The following MBD5 variants were observed in gnomAD, a reference collection of about 807,000 sequenced individuals.
MBD5 encodes the protein methyl-CpG binding domain protein 5, also known as methyl-CpG-binding domain protein 5.
Under a neutral mutation model 117.3 loss-of-function variants are expected in MBD5, and 13 were observed. The ratio of observed to expected loss-of-function variants is 0.11; its 90% confidence interval spans 0.07 to 0.18. The LOEUF (loss-of-function observed/expected upper bound fraction) is 0.18, where lower values mean the gene tolerates loss of function less well. Among genes scored for constraint, MBD5 ranks in the 10% least tolerant of loss-of-function variants. The pLI, the probability that MBD5 is intolerant of heterozygous loss-of-function variation, is 1.00. For missense variants in MBD5, 1,879 were observed against 2,093.8 expected (o/e 0.90, Z 2.00); for synonymous variants, 727 against 766.4 (o/e 0.95, Z 0.85).
At chr2:148,101,524 A>T (rs1184814481) in intron 1 of MBD5, among the ~76,000 whole-genome samples, 2 of 152,192 alleles carry the variant, frequency 1.3e-5, no homozygotes, top group East Asian at 3.9e-4. Flanking sequence ...TAAAATAGTG[A>T]TAAAACTACT....
intron 4 of MBD5, among the ~76,000 whole-genome samples, chr2:148,421,123 G>A (rs149259725): frequency 1.1e-4 from 16 of 152,132 alleles, no homozygotes; most frequent in African/African-American, 3.4e-4. Flanking sequence ...GCCTGTGAGA[G>A]GTCTAATCTC....
chr2:148,369,737 C>T lies in MBD5; in HGVS notation c.-557+27401C>T, dbSNP rs920531511. 3.3e-5 allele frequency among the ~76,000 whole-genome samples: 5 copies of T among 152,008 alleles called. No homozygotes were observed. The South Asian group carries it at 8.3e-4, about 25-fold the overall frequency. On this transcript the variant is annotated intron_variant, in intron 4 of 13. Transcript: ENST00000642680. ...TTTTGGTATACTCCTGTGTTCAAAT[C>T]AATAAAATTATGAAGCAAAATTACA... is the stretch of plus-strand genomic sequence containing the variant.
intron 11 of MBD5, among the ~76,000 whole-genome samples, chr2:148,500,466 T>C (rs2105212874): frequency 6.6e-6 from 1 of 152,254 alleles, no homozygotes; most frequent in Admixed American, 6.5e-5. Flanking sequence ...TAGTTTGCAG[T>C]AGTATCATAT....
chr2:148,346,102 G>A (rs1703117180), intron 4 of MBD5: 1 of 151,812 alleles, frequency 6.6e-6, no homozygotes, highest in African/African-American at 2.4e-5. Flanking sequence ...ACCATCACAG[G>A]AAGCAAGGGG....
rs1038846729 is a variant in MBD5, at chr2:148,321,899, A to T, written c.-679-20315A>T. ...TGCCACCCCCAGCCTTAATTTTTTT[A>T]AAATGCCATACTCTCTTTGAACCTT... On this transcript the variant is annotated intron_variant, in intron 3 of 13. Transcript: ENST00000642680. Among the ~76,000 whole-genome samples, 50 of 152,088 alleles carry T rather than the reference A, an allele frequency of 3.3e-4. 1 individual carries two copies. The highest frequency in any genetic ancestry group is 1.9e-4 in the East Asian group (1 of 5,190).
At chr2:148,397,352 C>T (rs1307937858) in intron 4 of MBD5, among the ~76,000 whole-genome samples, 9 of 119,938 alleles carry the variant, frequency 7.5e-5, no homozygotes, top group Admixed American at 2.0e-4. Flanking sequence ...TTTTTTGAGA[C>T]GGAGTCTCGC....
At chr2:148,097,519 T>C (rs1333698351) in intron 1 of MBD5, among the ~76,000 whole-genome samples, 1 of 152,192 alleles carries the variant, frequency 6.6e-6, no homozygotes, top group Non-Finnish European at 1.5e-5. Flanking sequence ...TAATATCCAA[T>C]TTGTATTAGG....
intron 4 of MBD5, 83 bp from the exon 5 acceptor site, chr2:148,458,120 G>A (rs113892972): frequency 7.3e-5 from 29 of 394,562 alleles, no homozygotes; most frequent in African/African-American, 1.2e-4. Context: ...GGTACACTTC[G>A]TAGTTTATTC....
At chr2:148,091,845 A>G (rs138831143) in intron 1 of MBD5, among the ~76,000 whole-genome samples, 521 of 152,342 alleles carry the variant, frequency 3.4e-3, no homozygotes, top group East Asian at 8.1e-3. Flanking sequence ...GTTTCTGCAC[A>G]GCAGAAGAAG....
chr2:148,307,402 A>AC (rs55815529), intron 3 of MBD5, among the ~76,000 whole-genome samples: 143,532 of 152,150 alleles, frequency 0.94, 68,222 homozygotes, highest in East Asian at 1. Context: ...TTTTTCACAA[A>AC]CTTTTACAAC....
intron 4 of MBD5, among the ~76,000 whole-genome samples, chr2:148,373,391 G>A (rs966149356): frequency 4.6e-5 from 7 of 152,020 alleles, no homozygotes; most frequent in African/African-American, 1.4e-4. Context: ...ACACAGTAAT[G>A]AACCTTGCTG....
At chr2:148,424,962 G>A (rs916318522) in intron 4 of MBD5, among the ~76,000 whole-genome samples, 7 of 151,930 alleles carry the variant, frequency 4.6e-5, no homozygotes, top group African/African-American at 1.2e-4. Context: ...CCCTAACATC[G>A]CATTTTTAAA....
chr2:148,272,684 A>T (rs908779708), intron 3 of MBD5, among the ~76,000 whole-genome samples: 1 of 151,890 alleles, frequency 6.6e-6, no homozygotes, highest in Non-Finnish European at 1.5e-5. Context: ...TTAGATATTA[A>T]CTCCTTATTA....
chr2:148,253,098 C>G (rs538969223), intron 3 of MBD5, among the ~76,000 whole-genome samples: 26 of 151,994 alleles, frequency 1.7e-4, no homozygotes, highest in Non-Finnish European at 2.8e-4. Flanking sequence ...TGGCTTAGAT[C>G]TAAGTAAAAA....
intron 1 of MBD5, among the ~76,000 whole-genome samples, chr2:148,077,693 A>T (rs1011740705): frequency 6.6e-6 from 1 of 152,176 alleles, no homozygotes; most frequent in Non-Finnish European, 1.5e-5. Flanking sequence ...TTCATAATAG[A>T]GGAGGAGGGT....
chr2:148,039,066 A>G (rs1354620438), intron 1 of MBD5, among the ~76,000 whole-genome samples: 1 of 152,124 alleles, frequency 6.6e-6, no homozygotes, highest in Admixed American at 6.6e-5. Context: ...AGACAAAAAT[A>G]ATAGCTGAGA....
At chr2:148,384,158 AG>A (rs1402300539) in intron 4 of MBD5, among the ~76,000 whole-genome samples, 1 of 152,182 alleles carries the variant, frequency 6.6e-6, no homozygotes, top group Non-Finnish European at 1.5e-5. Context: ...TTAGGAAAAG[AG>A]GAAGTCAAAT....
At chr2:148,273,761 C>CT (rs1167189075) in intron 3 of MBD5, among the ~76,000 whole-genome samples, 1 of 152,186 alleles carries the variant, frequency 6.6e-6, no homozygotes, top group Non-Finnish European at 1.5e-5. Flanking sequence ...TAATTAAACT[C>CT]TGTCTTTGCT....
chr2:148,312,358 T>G (rs925417779), intron 3 of MBD5, among the ~76,000 whole-genome samples: 4 of 152,228 alleles, frequency 2.6e-5, no homozygotes, highest in African/African-American at 9.6e-5. Flanking sequence ...CTTTTCATTC[T>G]TTTTTCTCCA....
Sources: allele counts gnomAD v4.1 joint callset (sites outside exome capture counted in the v4.1 genomes callset), GRCh38; gene constraint gnomAD v4.1.1; transcripts MANE v1.5; gene names NCBI Gene and HGNC (gene_info 2026-07-23, HGNC 2026-07-21).